Variants in CASD1 observed in about 807,000 individuals in gnomAD.
The protein encoded by CASD1 is N-acetylneuraminate (7)9-O-acetyltransferase.
Under a neutral mutation model 100.0 loss-of-function variants are expected in CASD1, and 41 were observed. The ratio of observed to expected loss-of-function variants is 0.41; its 90% CI spans 0.32 to 0.53. The LOEUF is 0.53. CASD1 is among the 20% of genes least tolerant of loss of function. CASD1 has a pLI of 0.25. For synonymous variants in CASD1, 321 were observed against 315.6 expected (o/e 1.02, Z -0.18); for missense variants, 774 against 948.7 (o/e 0.82, Z 2.42).
chr7:94,601,476 A>AAAAAAAAT, the CASD1 span, among the ~76,000 whole-genome samples: 1 of 134,948 alleles, frequency 7.4e-6, no homozygotes, highest in African/African-American at 2.7e-5. Flanking sequence ...AAAAAAAAAA[A>AAAAAAAAT]CTACAACAGT....
At chr7:94,526,608 CA>C (rs1377127333) in intron 3 of CASD1, among the ~76,000 whole-genome samples, 1 of 152,064 alleles carries the variant, frequency 6.6e-6, no homozygotes, top group Non-Finnish European at 1.5e-5. Context: ...GGCAACGTGA[CA>C]AAACCCCGTC....
chr7:94,558,093 G>T (rs1314867945), downstream of CASD1, among the ~76,000 whole-genome samples: 1 of 152,116 alleles, frequency 6.6e-6, no homozygotes, highest in Non-Finnish European at 1.5e-5. Flanking sequence ...GTACTTGCTT[G>T]ACTGAATTCT....
At chr7:94,608,540 A>T in the CASD1 span, among the ~76,000 whole-genome samples, 3 of 152,212 alleles carry the variant, frequency 2.0e-5, no homozygotes, top group Non-Finnish European at 2.9e-5. Context: ...TCATATTCTC[A>T]GCAAGTTAAT....
chr7:94,537,754 C>T lies in CASD1; in HGVS notation c.1126C>T (p.Leu376=), dbSNP rs747186985. 1.2e-6 allele frequency: 2 copies of T among 1,613,566 alleles called. No homozygotes were observed. The highest frequency in any genetic ancestry group is 2.7e-5 in the African/African-American group (2 of 74,880). Residue 376 remains leucine (L), a synonymous_variant, in exon 9 of 18, where the codon CTG becomes TTG. Coordinates refer to ENST00000297273, the MANE Select transcript of CASD1 (RefSeq NM_022900.5). ...ILLQSFCKLG[L]IMAYFYMCDR... ...TTTACAATCTTTCTGCAAACTTGGC[C>T]TGATTATGGCATATTTCTATATGTG...
the CASD1 span, among the ~76,000 whole-genome samples, chr7:94,566,959 C>T: frequency 6.6e-6 from 1 of 152,094 alleles, no homozygotes; most frequent in Non-Finnish European, 1.5e-5. Flanking sequence ...AAATATTTCT[C>T]CTAACCCTGG....
the CASD1 span, among the ~76,000 whole-genome samples, chr7:94,582,318 A>G: frequency 2.0e-5 from 3 of 152,084 alleles, no homozygotes; most frequent in Admixed American, 2.0e-4. Flanking sequence ...GGGTTTTACC[A>G]TGTCGGCCAG....
Position 94,535,412 on chromosome 7 carries a change from C to G in CASD1, c.732C>G (p.Thr244=). ...EAAVSILNSS[T]RNSKSNVKMF... is the part of the protein sequence containing the mutation. ...CAGTCAGTATTTTGAATAGTAGCAC[C>G]AGAAATTCTAAATCAAATGTTAAGA... Residue 244 remains threonine (T), a synonymous_variant, in exon 8 of 18, where the codon ACC becomes ACG. Transcript: ENST00000297273. 6.2e-7 allele frequency: 1 copy of G among 1,613,176 alleles called. No individual in the cohort carries two copies. Among genetic ancestry groups the G allele is most frequent in the Non-Finnish European group, 8.5e-7 (1 of 1,179,378 alleles).
the CASD1 span, among the ~76,000 whole-genome samples, chr7:94,591,049 T>C: frequency 1.3e-5 from 2 of 152,162 alleles, no homozygotes; most frequent in African/African-American, 4.8e-5. Flanking sequence ...ATCCCGACGA[T>C]TATATTCGTT....
At chr7:94,601,470 A>AC in the CASD1 span, among the ~76,000 whole-genome samples, 14 of 130,092 alleles carry the variant, frequency 1.1e-4, no homozygotes, top group African/African-American at 3.8e-4. Flanking sequence ...AAAAAAAAAA[A>AC]AAAAAACTAC....
intron 2 of CASD1, among the ~76,000 whole-genome samples, chr7:94,517,895 A>C (rs565573315): frequency 1.7e-4 from 26 of 152,328 alleles, no homozygotes; most frequent in African/African-American, 6.0e-4. Flanking sequence ...CCTTGAGCAA[A>C]AGACTCTTGC....
the CASD1 span, among the ~76,000 whole-genome samples, chr7:94,613,976 T>C: frequency 5.3e-5 from 8 of 151,796 alleles, no homozygotes; most frequent in Admixed American, 5.3e-4. Flanking sequence ...GCAAAACACA[T>C]ATAATAAAAT....
chr7:94,539,122 G>T lies in CASD1; in HGVS notation c.1356+66G>T, dbSNP rs142035240. ...ATGTCATTTTAATGTTTCTTTAAGGGCACCAGCTTTTTTGTGTTTTATAAT... is the reference window on the plus strand; with the variant it reads ...ATGTCATTTTAATGTTTCTTTAAGGTCACCAGCTTTTTTGTGTTTTATAAT... On this transcript the variant is annotated intron_variant, in intron 10 of 17. Transcript: ENST00000297273. 851 of 894,520 alleles carry T rather than the reference G, an allele frequency of 9.5e-4. 6 individuals are homozygous for T. In the African/African-American group the frequency reaches 0.013, roughly 14 times the overall value. The allele number at this position is 894,520 out of a possible 1,614,324, so 55.4% of individuals were successfully genotyped here.
At chr7:94,548,741 C>T (rs1489782271) in intron 13 of CASD1, among the ~76,000 whole-genome samples, 3 of 151,440 alleles carry the variant, frequency 2.0e-5, no homozygotes, top group South Asian at 2.1e-4. Context: ...CTTTTTATGC[C>T]GTAGCATTAG....
chr7:94,538,886 A>G (rs956256986), intron 9 of CASD1, 81 bp from the exon 10 acceptor site: 1 of 646,398 alleles, frequency 1.5e-6, no homozygotes, highest in African/African-American at 1.9e-5. Context: ...CCTATAAGAA[A>G]ACTTTTAACA....
the CASD1 span, chr7:94,620,675 T>C: frequency 6.6e-6 from 1 of 152,230 alleles, no homozygotes; most frequent in African/African-American, 2.4e-5. Context: ...TCTTAAAAAG[T>C]ATCTAAAACT....
chr7:94,586,996 T>G, the CASD1 span: 1 of 984,092 alleles, frequency 1.0e-6, no homozygotes, highest in Admixed American at 6.2e-5. Flanking sequence ...TGCAGAAAAA[T>G]GTAAGAAAAC....
the CASD1 span, among the ~76,000 whole-genome samples, chr7:94,574,794 C>T: frequency 6.6e-6 from 1 of 151,982 alleles, no homozygotes; most frequent in Non-Finnish European, 1.5e-5. Context: ...CACGGTGAAA[C>T]CCCGCCTCTA....
chr7:94,602,586 GA>G, the CASD1 span, among the ~76,000 whole-genome samples: 872 of 140,806 alleles, frequency 6.2e-3, 11 homozygotes, highest in African/African-American at 0.018. Context: ...AATATGAAAA[GA>G]AAAAAAAAAC....
chr7:94,544,317 A>G (rs889205240), intron 10 of CASD1, 94 bp from the exon 11 acceptor site: 61 of 1,429,358 alleles, frequency 4.3e-5, no homozygotes, highest in Non-Finnish European at 5.5e-5. Context: ...AAATGCTAAT[A>G]ATCATTTATT....
Sources: allele counts gnomAD v4.1 joint callset (sites outside exome capture counted in the v4.1 genomes callset), GRCh38; gene constraint gnomAD v4.1.1; transcripts MANE v1.5; gene names NCBI Gene and HGNC (gene_info 2026-07-23, HGNC 2026-07-21).